MEMO1: variants seen among roughly 807,000 people sequenced by gnomAD.
MEMO1 encodes mediator of cell motility 1.
MEMO1 carries 6 observed loss-of-function variants against 45.2 expected under a neutral mutation model. The observed-to-expected ratio is 0.13, with a 90% CI of 0.07 to 0.26. The LOEUF (loss-of-function observed/expected upper bound fraction) is 0.26, where lower values mean the gene tolerates loss of function less well. Ranked by LOEUF, MEMO1 falls within the 10% of genes least tolerant of loss-of-function variation. The probability of loss-of-function intolerance (pLI) is 1.00; values close to 1 mark genes in which losing one functional copy is unlikely to be tolerated. For missense variants in MEMO1, 184 were observed against 370.5 expected, an observed-to-expected ratio of 0.50 and a Z score of 4.13; for synonymous variants, 78 against 124.3, an observed-to-expected ratio of 0.63 and a Z score of 2.48.
chr2:31,945,136 T>C (rs1469526889), intron 2 of MEMO1, among the ~76,000 whole-genome samples: 1 of 152,220 alleles, frequency 6.6e-6, no homozygotes, highest in Non-Finnish European at 1.5e-5. Flanking sequence ...CAATATACTG[T>C]ACACAACCTT....
At chr2:31,975,602 G>A (rs1196385297) in intron 2 of MEMO1, among the ~76,000 whole-genome samples, 2 of 152,142 alleles carry the variant, frequency 1.3e-5, no homozygotes, top group Non-Finnish European at 2.9e-5. Context: ...CTAAGAAGCA[G>A]AACACTTTAA....
chr2:31,920,163 T>C (rs1682080777), intron 5 of MEMO1, among the ~76,000 whole-genome samples: 1 of 148,528 alleles, frequency 6.7e-6, no homozygotes, highest in East Asian at 2.0e-4. Context: ...TTAAAATTAC[T>C]CCCCCCCCCA....
intron 7 of MEMO1, among the ~76,000 whole-genome samples, chr2:31,885,627 A>G (rs140013133): frequency 2.0e-5 from 3 of 152,334 alleles, no homozygotes; most frequent in African/African-American, 7.2e-5. Context: ...TCACTATAAG[A>G]ACAATATTCT....
At chr2:31,955,813 G>T (rs1667351762) in intron 2 of MEMO1, among the ~76,000 whole-genome samples, 1 of 152,068 alleles carries the variant, frequency 6.6e-6, no homozygotes, top group African/African-American at 2.4e-5. Flanking sequence ...TTACCATGTT[G>T]GTCAGGCTTG....
chr2:31,932,176 A>T (rs1458505352), intron 3 of MEMO1, 41 bp from the exon 4 acceptor site: 1 of 1,550,578 alleles, frequency 6.4e-7, no homozygotes, highest in Non-Finnish European at 8.9e-7. Flanking sequence ...ATCAGATTCA[A>T]AATCAAGATA....
chr2:31,950,692 G>C (rs555386715), intron 2 of MEMO1, among the ~76,000 whole-genome samples: 27 of 150,118 alleles, frequency 1.8e-4, no homozygotes, highest in Non-Finnish European at 3.5e-4. Context: ...CTGTACTCCA[G>C]CCTGGGTGAC....
chr2:32,002,132 G>A (rs1286419334), intron 2 of MEMO1, among the ~76,000 whole-genome samples: 4 of 111,596 alleles, frequency 3.6e-5, no homozygotes, highest in African/African-American at 1.1e-4. Flanking sequence ...GCAACACAGC[G>A]AGACTCTGTC....
intron 2 of MEMO1, among the ~76,000 whole-genome samples, chr2:31,997,680 T>C (rs1348789429): frequency 6.6e-6 from 1 of 152,074 alleles, no homozygotes; most frequent in Non-Finnish European, 1.5e-5. Context: ...GCTGGAATAA[T>C]GTGGTGAAAG....
intron 6 of MEMO1, among the ~76,000 whole-genome samples, chr2:31,904,816 G>T (rs1367683710): frequency 1.3e-5 from 2 of 152,218 alleles, no homozygotes; most frequent in African/African-American, 4.8e-5. Context: ...CAGTTTTAAA[G>T]AGTCCTATAA....
At chr2:32,007,269 C>T (rs1210552290) in intron 2 of MEMO1, among the ~76,000 whole-genome samples, 2 of 152,152 alleles carry the variant, frequency 1.3e-5, no homozygotes, top group Non-Finnish European at 2.9e-5. Flanking sequence ...TTCCTTCCTC[C>T]CTGCTCCAAA....
intron 8 of MEMO1, among the ~76,000 whole-genome samples, chr2:31,881,988 T>C (rs753684018): frequency 1.6e-4 from 24 of 151,666 alleles, no homozygotes; most frequent in Non-Finnish European, 2.9e-4. Flanking sequence ...TTACAAAAAA[T>C]ACAAAAATTA....
chr2:31,907,728 A>G (rs13013099), intron 6 of MEMO1, among the ~76,000 whole-genome samples: 19,782 of 151,352 alleles, frequency 0.13, 1,457 homozygotes, highest in Middle Eastern at 0.22. Context: ...GGGAGGTGGA[A>G]GTTGTGGTGA....
chr2:31,899,864 G>A (rs927484471), intron 6 of MEMO1, among the ~76,000 whole-genome samples: 13 of 152,272 alleles, frequency 8.5e-5, no homozygotes, highest in African/African-American at 3.1e-4. Context: ...CAAAAAGTAG[G>A]CTAAAGATAT....
At chr2:31,933,577 C>T (rs2148266183) in intron 3 of MEMO1, among the ~76,000 whole-genome samples, 1 of 151,598 alleles carries the variant, frequency 6.6e-6, no homozygotes, top group African/African-American at 2.4e-5. Context: ...CACAACAAGG[C>T]TCTTTTTTAA....
chr2:32,002,245 A>G lies in MEMO1; in HGVS notation c.61+7942T>C, dbSNP rs192827897. The stretch of plus-strand genomic sequence containing the variant: ...CGTATATGTGTATATATACATATAC[A>G]TATATACGTGTATATATACATACAC... On this transcript the variant is annotated intron_variant, in intron 2 of 9. Coordinates refer to ENST00000404530, the MANE Select transcript of MEMO1 (RefSeq NM_001301833.4). Among the ~76,000 whole-genome samples the G allele has an allele frequency of 1.5e-3, 217 of 144,744 alleles. 1 individual carries two copies. The highest frequency in any genetic ancestry group is 5.2e-3 in the African/African-American group (200 of 38,126). The allele number at this position is 144,744 out of a possible 152,430, so 95.0% of individuals were successfully genotyped here.
chr2:31,985,385 G>A (rs1572895454), intron 2 of MEMO1, among the ~76,000 whole-genome samples: 1 of 152,178 alleles, frequency 6.6e-6, no homozygotes, highest in East Asian at 1.9e-4. Flanking sequence ...GAGTGCAGTG[G>A]TGCAATCTTG....
At chr2:31,909,536 T>C (rs555347172) in intron 6 of MEMO1, among the ~76,000 whole-genome samples, 29 of 152,086 alleles carry the variant, frequency 1.9e-4, no homozygotes, top group African/African-American at 6.0e-4. Context: ...ACAAAATACC[T>C]AGGAATAAAT....
intron 2 of MEMO1, among the ~76,000 whole-genome samples, chr2:31,952,738 G>A (rs1247289161): frequency 6.6e-6 from 1 of 152,064 alleles, no homozygotes; most frequent in Non-Finnish European, 1.5e-5. Context: ...AAAAAAGCAT[G>A]CTCAGTACAG....
intron 2 of MEMO1, among the ~76,000 whole-genome samples, chr2:32,007,458 T>A (rs1208069642): frequency 6.6e-6 from 1 of 152,152 alleles, no homozygotes; most frequent in Non-Finnish European, 1.5e-5. Flanking sequence ...AATTTGTTAC[T>A]CTCTATAAAT....
Sources: gnomAD v4.1 joint callset for allele counts (sites outside exome capture counted in the v4.1 genomes callset) on GRCh38, gnomAD v4.1.1 for gene constraint, MANE v1.5 for transcripts, NCBI Gene and HGNC (gene_info 2026-07-23, HGNC 2026-07-21) for gene names.